The following DSCAM variants were observed in gnomAD, a reference collection of about 807,000 sequenced individuals.
The protein encoded by DSCAM is DS cell adhesion molecule, also known as cell adhesion molecule DSCAM.
A neutral mutation model predicts 217.7 loss-of-function variants in DSCAM; 47 were observed. The ratio of observed to expected loss-of-function variants is 0.22; its 90% confidence interval spans 0.17 to 0.28. The LOEUF is 0.28. Ranked by LOEUF, DSCAM falls within the 10% of genes least tolerant of loss-of-function variation. The probability of loss-of-function intolerance (pLI) is 1.00; values close to 1 mark genes in which losing one functional copy is unlikely to be tolerated. For synonymous variants in DSCAM, 1,056 were observed against 1,015.3 expected (o/e 1.04, Z -0.76); for missense variants, 2,080 against 2,618.3 (o/e 0.79, Z 4.49).
intron 1 of DSCAM, among the ~76,000 whole-genome samples, chr21:40,846,211 G>A (rs1027264980): frequency 1.3e-5 from 2 of 152,130 alleles, no homozygotes; most frequent in Non-Finnish European, 2.9e-5. Context: ...GAAGGGAGAT[G>A]TTCCTCATTG....
chr21:40,382,588 T>C lies in DSCAM; in HGVS notation c.509-13343A>G, dbSNP rs577017161. Among the ~76,000 whole-genome samples the C allele has an allele frequency of 6.6e-5, 10 of 152,302 alleles. No individual in the cohort carries two copies. The South Asian group carries it at 1.9e-3, about 28-fold the overall frequency. The stretch of plus-strand genomic sequence containing the variant: ...AAACTATAATGAGTTTACTGAGCTA[T>C]CCATACAAATGTACATGCAAATATG... On this transcript the variant is annotated intron_variant, in intron 3 of 32. Transcript: ENST00000400454.
chr21:40,755,389 T>C (rs921571998), intron 1 of DSCAM, among the ~76,000 whole-genome samples: 3 of 152,184 alleles, frequency 2.0e-5, no homozygotes, highest in Admixed American at 1.3e-4. Context: ...GAGTTTGCAG[T>C]GAGCTGAGAT....
chr21:40,505,331 G>A (rs2076201868), intron 3 of DSCAM, among the ~76,000 whole-genome samples: 1 of 152,146 alleles, frequency 6.6e-6, no homozygotes. Flanking sequence ...TTATTTCCAT[G>A]TAGTTGAGTA....
At chr21:40,613,988 C>A (rs950643202) in intron 3 of DSCAM, among the ~76,000 whole-genome samples, 1 of 152,178 alleles carries the variant, frequency 6.6e-6, no homozygotes, top group African/African-American at 2.4e-5. Flanking sequence ...AACTCTGAGT[C>A]CTCCTAATCC....
At chr21:40,646,188 AG>A (rs1260672128) in intron 3 of DSCAM, among the ~76,000 whole-genome samples, 11 of 152,128 alleles carry the variant, frequency 7.2e-5, no homozygotes, top group Admixed American at 7.2e-4. Flanking sequence ...AGGCCAAGGC[AG>A]GTGGATCATG....
intron 15 of DSCAM, among the ~76,000 whole-genome samples, chr21:40,177,929 T>A (rs1416605937): frequency 6.6e-6 from 1 of 152,138 alleles, no homozygotes; most frequent in Non-Finnish European, 1.5e-5. Flanking sequence ...TTAATCTTGG[T>A]GATGGAGAAA....
Position 40,477,253 on chromosome 21 carries a change from C to T in DSCAM, c.509-108008G>A, listed in dbSNP as rs144502919. 7.2e-5 allele frequency among the ~76,000 whole-genome samples: 11 copies of T among 152,184 alleles called. No homozygotes were observed. The East Asian group carries it at 1.7e-3, about 24-fold the overall frequency. ...ATAGTCTAGAAAAATAAAACCAGCT[C>T]TCTATCTGCCATAGAAAATCAGAAA... is the stretch of plus-strand genomic sequence containing the variant. On this transcript the variant is annotated intron_variant, in intron 3 of 32. Coordinates refer to ENST00000400454, the MANE Select transcript of DSCAM (RefSeq NM_001389.5).
At chr21:40,825,317 T>TTCCTTC (rs1569055732) in intron 1 of DSCAM, among the ~76,000 whole-genome samples, 2 of 131,066 alleles carry the variant, frequency 1.5e-5, no homozygotes, top group Admixed American at 7.9e-5. Flanking sequence ...TTCCTTCCTT[T>TTCCTTC]TTTTCTTCCT....
chr21:40,058,762 A>G (rs2089068559), intron 28 of DSCAM, among the ~76,000 whole-genome samples: 1 of 152,240 alleles, frequency 6.6e-6, no homozygotes, highest in African/African-American at 2.4e-5. Context: ...CTCAAAAATG[A>G]TAACAATTGG....
intron 15 of DSCAM, among the ~76,000 whole-genome samples, chr21:40,175,770 A>ACCACACACAC (rs1555886068): frequency 7.9e-6 from 1 of 126,354 alleles, no homozygotes; most frequent in Non-Finnish European, 1.6e-5. Flanking sequence ...ATATTTTCTC[A>ACCACACACAC]ACACACACAT....
At chr21:40,421,813 A>G (rs530991614) in intron 3 of DSCAM, among the ~76,000 whole-genome samples, 25 of 152,364 alleles carry the variant, frequency 1.6e-4, no homozygotes, top group Non-Finnish European at 3.5e-4. Context: ...CAGTGTTGAA[A>G]CAAATAGCTC....
intron 1 of DSCAM, among the ~76,000 whole-genome samples, chr21:40,766,454 A>G (rs1254387203): frequency 6.6e-6 from 1 of 152,074 alleles, no homozygotes; most frequent in East Asian, 1.9e-4. Flanking sequence ...GACATTCAAT[A>G]TCAATACTGA....
chr21:40,833,877 C>T (rs1024576888), intron 1 of DSCAM, among the ~76,000 whole-genome samples: 7 of 152,208 alleles, frequency 4.6e-5, no homozygotes, highest in African/African-American at 1.4e-4. Flanking sequence ...CATTCTTTGT[C>T]GTGGGGAGCT....
At chr21:40,660,358 G>A (rs1216382059) in intron 3 of DSCAM, among the ~76,000 whole-genome samples, 3 of 152,062 alleles carry the variant, frequency 2.0e-5, no homozygotes, top group Non-Finnish European at 4.4e-5. Flanking sequence ...AGTCAACATT[G>A]AAAAACAAGG....
Position 40,321,163 on chromosome 21 carries a change from G to T in DSCAM, c.1784-8804C>A, listed in dbSNP as rs551807935. Among the ~76,000 whole-genome samples, 43 of 152,112 alleles carry T rather than the reference G, an allele frequency of 2.8e-4. 1 individual carries two copies. Among genetic ancestry groups the T allele is most frequent in the Non-Finnish European group, 5.0e-4 (34 of 68,026 alleles). The stretch of plus-strand genomic sequence containing the variant: ...CATTGTTCCTCAGTGTCCTGACCTG[G>T]CCTTGTTCTTCCTTCTCTCTCCCTG... On this transcript the variant is annotated intron_variant, in intron 8 of 32. Coordinates refer to ENST00000400454, the MANE Select transcript of DSCAM (RefSeq NM_001389.5).
At chr21:40,770,344 A>G (rs1343406193) in intron 1 of DSCAM, among the ~76,000 whole-genome samples, 1 of 152,214 alleles carries the variant, frequency 6.6e-6, no homozygotes, top group Non-Finnish European at 1.5e-5. Flanking sequence ...TTGGCATCTC[A>G]GCATCAAAGT....
chr21:40,346,003 T>C (rs984598531), intron 6 of DSCAM, among the ~76,000 whole-genome samples: 3 of 152,374 alleles, frequency 2.0e-5, no homozygotes, highest in South Asian at 2.1e-4. Context: ...TCTTTCTTGC[T>C]GTCACTCTGA....
chr21:40,105,916 G>A (rs1344811109), intron 20 of DSCAM, among the ~76,000 whole-genome samples: 1 of 152,150 alleles, frequency 6.6e-6, no homozygotes, highest in Non-Finnish European at 1.5e-5. Flanking sequence ...TTTATTGATT[G>A]AGTATGTTGA....
intron 3 of DSCAM, among the ~76,000 whole-genome samples, chr21:40,404,671 A>G (rs1424735009): frequency 6.6e-6 from 1 of 152,206 alleles, no homozygotes; most frequent in African/African-American, 2.4e-5. Flanking sequence ...TCCATTTAAC[A>G]CATAGGGCTT....
Sources: gnomAD v4.1 joint callset for allele counts (sites outside exome capture counted in the v4.1 genomes callset) on GRCh38, gnomAD v4.1.1 for gene constraint, MANE v1.5 for transcripts, NCBI Gene and HGNC (gene_info 2026-07-23, HGNC 2026-07-21) for gene names.